The following KIAA1549 variants were observed in gnomAD, a reference collection of about 807,000 sequenced individuals.
The protein encoded by KIAA1549 is UPF0606 protein KIAA1549.
A neutral mutation model predicts 156.4 loss-of-function variants in KIAA1549; 70 were observed. The observed-to-expected ratio is 0.45, with a 90% confidence interval of 0.37 to 0.55. KIAA1549 has a LOEUF of 0.55. Ranked by LOEUF, KIAA1549 falls within the 20% of genes least tolerant of loss-of-function variation. The pLI is 0.00. For synonymous variants in KIAA1549, 1,103 were observed against 1,066.4 expected (o/e 1.03, Z -0.67); for missense variants, 2,428 against 2,540.9 (o/e 0.96, Z 0.96).
intron 12 of KIAA1549, among the ~76,000 whole-genome samples, chr7:138,875,158 C>G (rs1811044560): frequency 6.6e-6 from 1 of 152,118 alleles, no homozygotes; most frequent in Non-Finnish European, 1.5e-5. Context: ...TCTGTGGTGA[C>G]AGATATGCTA....
intron 1 of KIAA1549, among the ~76,000 whole-genome samples, chr7:138,974,438 G>A (rs1379169145): frequency 6.6e-6 from 1 of 151,984 alleles, no homozygotes; most frequent in Non-Finnish European, 1.5e-5. Flanking sequence ...TCAGTGGTTT[G>A]GTTTTGTTTT....
chr7:138,880,819 G>A (rs906090106), intron 11 of KIAA1549, among the ~76,000 whole-genome samples: 6 of 152,174 alleles, frequency 3.9e-5, no homozygotes, highest in African/African-American at 1.4e-4. Flanking sequence ...GGGGGAATGG[G>A]GAGCGAGGCA....
At chr7:138,856,016 CTT>C (rs1315233783) in intron 16 of KIAA1549, among the ~76,000 whole-genome samples, 1 of 151,296 alleles carries the variant, frequency 6.6e-6, no homozygotes, top group Admixed American at 6.6e-5. Flanking sequence ...CCCCTCATTT[CTT>C]TTTTTATTAT....
intron 17 of KIAA1549, among the ~76,000 whole-genome samples, chr7:138,845,625 T>C (rs1404177123): frequency 2.0e-5 from 3 of 152,212 alleles, no homozygotes; most frequent in Admixed American, 6.5e-5. Context: ...ATTTGGAACA[T>C]AGTTCACTGA....
intron 14 of KIAA1549, among the ~76,000 whole-genome samples, 162 bp from the exon 15 acceptor site, chr7:138,868,290 C>T (rs1349316804): frequency 2.6e-5 from 4 of 152,162 alleles, no homozygotes; most frequent in African/African-American, 7.2e-5. Flanking sequence ...TCTAAGGAAG[C>T]TCAGAGCATA....
At chr7:138,846,619 T>G (rs1277115065) in intron 17 of KIAA1549, among the ~76,000 whole-genome samples, 1 of 149,358 alleles carries the variant, frequency 6.7e-6, no homozygotes, top group Non-Finnish European at 1.5e-5. Context: ...GTCAATACAA[T>G]GGAAAAAAGG....
chr7:138,865,009 G>A (rs1391091733), intron 15 of KIAA1549, among the ~76,000 whole-genome samples: 1 of 152,142 alleles, frequency 6.6e-6, no homozygotes, highest in Non-Finnish European at 1.5e-5. Context: ...CAGGAGGATC[G>A]CTGAGCCCAG....
At chr7:138,927,274 T>C (rs1288478003) in intron 1 of KIAA1549, among the ~76,000 whole-genome samples, 2 of 152,248 alleles carry the variant, frequency 1.3e-5, no homozygotes, top group Non-Finnish European at 2.9e-5. Flanking sequence ...CGAACTTTCC[T>C]ACCTGTTTTC....
intron 1 of KIAA1549, among the ~76,000 whole-genome samples, chr7:138,979,017 G>C (rs1314617787): frequency 6.6e-6 from 1 of 152,178 alleles, no homozygotes; most frequent in East Asian, 1.9e-4. Flanking sequence ...TCCGGGAATG[G>C]TCTGTGCAAG....
intron 1 of KIAA1549, among the ~76,000 whole-genome samples, chr7:138,959,404 G>A (rs564528995): frequency 7.2e-5 from 11 of 152,132 alleles, no homozygotes; most frequent in Non-Finnish European, 1.0e-4. Flanking sequence ...TGACGCTAAC[G>A]GGGCTCCCAT....
In KIAA1549 at chr7:138,871,045, G is replaced by A. The variant is rs184743259; in HGVS notation, c.4551+112C>T. 5,960 of 969,746 alleles carry A rather than the reference G, an allele frequency of 6.1e-3. 24 individuals carry two copies. The highest frequency in any genetic ancestry group is 8.0e-3 in the Non-Finnish European group (5,227 of 649,582). The allele number at this position is 969,746 out of a possible 1,614,324, so 60.1% of individuals were successfully genotyped here. On this transcript the variant is annotated intron_variant, in intron 13 of 19. Coordinates refer to ENST00000422774, the MANE Select transcript of KIAA1549 (RefSeq NM_001164665.2). Reference sequence around the variant, plus strand: ...TTGGCCAGGCTGGTCTCAAACTCCCGACCTCAGGCGATCTGCCTGCCTTGG... The same window carrying A: ...TTGGCCAGGCTGGTCTCAAACTCCCAACCTCAGGCGATCTGCCTGCCTTGG...
chr7:138,918,996 C>T lies in KIAA1549; in HGVS notation c.630G>A (p.Ser210=), dbSNP rs372624833. 6.6e-5 allele frequency: 107 copies of T among 1,613,996 alleles called. No homozygotes were observed. In the African/African-American group the frequency reaches 8.0e-4, roughly 12 times the overall value. The change falls in exon 2 of 20, where the codon TCG becomes TCA. Residue 210 remains serine (S), a synonymous_variant. Coordinates refer to ENST00000422774, the MANE Select transcript of KIAA1549 (RefSeq NM_001164665.2). The surrounding 1 kb of genome is among the most constrained non-coding windows in gnomAD (Gnocchi z 4.2). The part of the protein sequence containing the change: ...MVSLQDEEVT[S]GWQNTTRQPA... ...GTTGTCGCGTTGTGTTCTGCCAGCC[C>T]GATGTCACTTCTTCATCTTGTAAAG...
chr7:138,965,349 C>A (rs1401825623), intron 1 of KIAA1549, among the ~76,000 whole-genome samples: 1 of 152,080 alleles, frequency 6.6e-6, no homozygotes, highest in Non-Finnish European at 1.5e-5. Context: ...TGCCACGATG[C>A]CTGACTAATT....
intron 2 of KIAA1549, among the ~76,000 whole-genome samples, chr7:138,916,255 T>A (rs1374220874): frequency 6.6e-6 from 1 of 152,210 alleles, no homozygotes; most frequent in Non-Finnish European, 1.5e-5. Flanking sequence ...TGCCCTTACA[T>A]AGTTGCCCAA....
chr7:138,919,032 T>C lies in KIAA1549; in HGVS notation c.594A>G (p.Leu198=), dbSNP rs1012928103. The change falls in exon 2 of 20, where the codon TTA becomes TTG. Residue 198 remains leucine (L), a synonymous_variant. Coordinates refer to ENST00000422774, the MANE Select transcript of KIAA1549 (RefSeq NM_001164665.2). ...EALEPMLTPS[L]PMVSLQDEEV... ...CTTCATCTTGTAAAGAAACCATGGG[T>C]AATGATGGAGTGAGCATAGGTTCTA... 4 of 1,613,836 alleles carry C rather than the reference T, an allele frequency of 2.5e-6. No individual in the cohort carries two copies. Among genetic ancestry groups the C allele is most frequent in the Non-Finnish European group, 3.4e-6 (4 of 1,179,888 alleles).
chr7:138,963,256 G>A (rs56882816), intron 1 of KIAA1549, among the ~76,000 whole-genome samples: 1 of 152,192 alleles, frequency 6.6e-6, no homozygotes, highest in Non-Finnish European at 1.5e-5. Context: ...ACACTTCCCA[G>A]AACCAGACAA....
At chr7:138,904,718 CAA>C (rs1811959312) in intron 7 of KIAA1549, among the ~76,000 whole-genome samples, 1 of 136,356 alleles carries the variant, frequency 7.3e-6, no homozygotes, top group Admixed American at 7.4e-5. Flanking sequence ...AAAAATAAAA[CAA>C]GAGAGAGATC....
intron 1 of KIAA1549, among the ~76,000 whole-genome samples, chr7:138,953,790 AAAATAAACT>A (rs1233816327): frequency 6.6e-6 from 1 of 152,230 alleles, no homozygotes; most frequent in African/African-American, 2.4e-5. Flanking sequence ...CATACACAAT[AAAATAAACT>A]AAACAAGCAC....
At chr7:138,950,637 A>G (rs1813467739) in intron 1 of KIAA1549, among the ~76,000 whole-genome samples, 1 of 152,194 alleles carries the variant, frequency 6.6e-6, no homozygotes, top group African/African-American at 2.4e-5. Flanking sequence ...TTTGCTGCAA[A>G]AGGGACGCAT....
Sources: allele counts gnomAD v4.1 joint callset (sites outside exome capture counted in the v4.1 genomes callset), GRCh38; gene constraint gnomAD v4.1.1; non-coding constraint Gnocchi (gnomAD v3.1); transcripts MANE v1.5; gene names NCBI Gene and HGNC (gene_info 2026-07-23, HGNC 2026-07-21).